The following MOCOS variants were observed in gnomAD, a reference collection of about 807,000 sequenced individuals.
The protein encoded by MOCOS is molybdenum cofactor sulfurase, also known as human molybdenum cofactor sulfurase.
In MOCOS, 86 loss-of-function variants were observed where a neutral mutation model predicts 83.6. The ratio of observed to expected loss-of-function variants is 1.03; its 90% confidence interval spans 0.86 to 1.23. MOCOS has a LOEUF of 1.23. MOCOS is among the 50% of genes most tolerant of loss of function. MOCOS has a pLI of 0.00. For synonymous variants in MOCOS, 445 were observed against 434.7 expected (o/e 1.02, Z -0.29); for missense variants, 1,120 against 1,126.9 (o/e 0.99, Z 0.09).
chr18:36,224,339 G>A (rs996892854), intron 9 of MOCOS, among the ~76,000 whole-genome samples: 1 of 152,084 alleles, frequency 6.6e-6, no homozygotes, highest in African/African-American at 2.4e-5. Flanking sequence ...AATAGTGGAG[G>A]CAAGAATGGG....
chr18:36,251,024 G>C, intron 10 of MOCOS, 135 bp from the exon 11 acceptor site: 1 of 1,095,030 alleles, frequency 9.1e-7, no homozygotes, highest in Non-Finnish European at 1.3e-6. Context: ...TGCAGCATCT[G>C]TCACTTCAGG....
intron 9 of MOCOS, among the ~76,000 whole-genome samples, chr18:36,241,680 C>T (rs996410159): frequency 6.6e-6 from 1 of 152,238 alleles, no homozygotes; most frequent in African/African-American, 2.4e-5. Context: ...GCTGCTCTAG[C>T]AGAGGTTCTG....
At chr18:36,238,047 G>A (rs1365497138) in intron 9 of MOCOS, among the ~76,000 whole-genome samples, 1 of 151,372 alleles carries the variant, frequency 6.6e-6, no homozygotes, top group Non-Finnish European at 1.5e-5. Flanking sequence ...AGTCTTGCTA[G>A]TGGTCTATCA....
chr18:36,256,870 A>G, intron 11 of MOCOS, 98 bp from the exon 12 acceptor site: 1 of 1,074,580 alleles, frequency 9.3e-7, no homozygotes, highest in Non-Finnish European at 1.4e-6. Flanking sequence ...CCTTGTAGAA[A>G]TAGTCTCTAC....
rs115527233 is a variant in MOCOS at position 36,210,294 on chromosome 18, G to T, written c.1219-3072G>T. Among the ~76,000 whole-genome samples, 329 of 152,140 alleles carry T rather than the reference G, an allele frequency of 2.2e-3. 2 individuals are homozygous for T. The highest frequency in any genetic ancestry group is 7.6e-3 in the African/African-American group (315 of 41,500). On this transcript the variant is annotated intron_variant, in intron 6 of 14. Coordinates refer to ENST00000261326, the MANE Select transcript of MOCOS (RefSeq NM_017947.4). ...ATACTATTGGGCAATATTCTTCTGGGGGAGATGTCGGTCCTCACTGGTGTT... is the reference window on the plus strand; with the variant it reads ...ATACTATTGGGCAATATTCTTCTGGTGGAGATGTCGGTCCTCACTGGTGTT...
At chr18:36,265,599 T>G (rs187938662) in intron 13 of MOCOS, among the ~76,000 whole-genome samples, 5 of 152,350 alleles carry the variant, frequency 3.3e-5, no homozygotes, top group South Asian at 4.1e-4. Flanking sequence ...ATCTCGTTAT[T>G]GCTGAGCTGC....
At chr18:36,250,892 T>C (rs2091619324) in intron 10 of MOCOS, among the ~76,000 whole-genome samples, 1 of 152,152 alleles carries the variant, frequency 6.6e-6, no homozygotes, top group South Asian at 2.1e-4. Context: ...AGCTTTGTGG[T>C]TCTCTGTGTC....
At chr18:36,187,808 G>A (rs898508833) in intron 1 of MOCOS, 127 bp downstream of exon 1, 16 of 1,053,268 alleles carry the variant, frequency 1.5e-5, no homozygotes, top group African/African-American at 9.9e-5. Context: ...CAGGAGGGAC[G>A]TGTCCACGCG....
Position 36,199,694 on chromosome 18 carries a change from A to G in MOCOS, c.311A>G (p.His104Arg), listed in dbSNP as rs1764716894. 1.9e-6 allele frequency: 3 copies of G among 1,613,640 alleles called. No homozygotes were observed. Among genetic ancestry groups the G allele is most frequent in the African/African-American group, 1.3e-5 (1 of 74,904 alleles). ...VEQVRYRILA[H>R]FHTTAEDYTV... is the part of the protein sequence containing the mutation. ...TGTGCTTCTTCCAGAATCCTGGCGC[A>G]CTTCCACACCACCGCAGAAGACTAC... The change falls in exon 4 of 15, where the codon CAC becomes CGC. Residue 104 changes from histidine to arginine, a missense_variant. Physicochemically the swap from His to Arg is conservative, Grantham distance 29. Coordinates refer to ENST00000261326, the MANE Select transcript of MOCOS (RefSeq NM_017947.4).
chr18:36,235,429 A>G lies in MOCOS; in HGVS notation c.1961-13493A>G, dbSNP rs1336444622. Reference sequence around the variant, plus strand: ...AGTTTACTGAGAATGATGATTTCCAATTTCATCCATGTCCCTACAAAGGAC... The same window carrying G: ...AGTTTACTGAGAATGATGATTTCCAGTTTCATCCATGTCCCTACAAAGGAC... On this transcript the variant is annotated intron_variant, in intron 9 of 14. Coordinates refer to ENST00000261326, the MANE Select transcript of MOCOS (RefSeq NM_017947.4). Among the ~76,000 whole-genome samples the G allele has an allele frequency of 3.7e-3, 459 of 125,614 alleles. 2 individuals are homozygous for G. Among genetic ancestry groups the G allele is most frequent in the African/African-American group, 0.014 (438 of 32,250 alleles). 82.4% of individuals were successfully genotyped at this position (125,614 alleles called of 152,430 possible). A position where few individuals can be genotyped will look rare whatever the true frequency, so the allele number is the denominator to read the frequency against.
At chr18:36,210,573 G>T (rs1323606781) in intron 6 of MOCOS, among the ~76,000 whole-genome samples, 1 of 152,078 alleles carries the variant, frequency 6.6e-6, no homozygotes, top group Non-Finnish European at 1.5e-5. Context: ...AAATGTGCCT[G>T]GGTGCGGTGG....
chr18:36,247,249 C>T (rs1278392157), intron 9 of MOCOS, among the ~76,000 whole-genome samples: 2 of 152,222 alleles, frequency 1.3e-5, no homozygotes, highest in Non-Finnish European at 1.5e-5. Flanking sequence ...ATCTGGTAAG[C>T]AGGGCTGAGA....
intron 13 of MOCOS, among the ~76,000 whole-genome samples, chr18:36,265,853 T>C (rs1025374599): frequency 6.6e-6 from 1 of 152,174 alleles, no homozygotes; most frequent in Admixed American, 6.5e-5. Context: ...TTTTATAGAT[T>C]CCTTTTAATA....
chr18:36,240,787 C>T (rs4508484), intron 9 of MOCOS, among the ~76,000 whole-genome samples: 54,107 of 151,942 alleles, frequency 0.36, 10,328 homozygotes, highest in Admixed American at 0.47. Flanking sequence ...ATCAGCGAGA[C>T]TCCATGGGGT....
chr18:36,199,839 C>T lies in MOCOS; in HGVS notation c.456C>T (p.His152=), dbSNP rs374709636. The T allele has an allele frequency of 4.6e-5, 74 of 1,614,180 alleles. No individual in the cohort carries two copies. In the African/African-American group the frequency reaches 9.2e-4, roughly 20 times the overall value. The part of the protein sequence containing the change: ...GSRFCYLTDS[H]TSVVGMRNVT... ...GCTTCTGTTACCTCACCGACAGCCA[C>T]ACCTCCGTAGTGGGTATGCGGAACG... The change falls in exon 4 of 15, where the codon CAC becomes CAT. Residue 152 remains histidine (H), a synonymous_variant. Coordinates refer to ENST00000261326, the MANE Select transcript of MOCOS (RefSeq NM_017947.4).
chr18:36,212,692 C>A (rs529243041), intron 6 of MOCOS, among the ~76,000 whole-genome samples: 46 of 152,294 alleles, frequency 3.0e-4, no homozygotes, highest in African/African-American at 1.1e-3. Flanking sequence ...AGCCAAGATC[C>A]CTGGCTGACC....
intron 13 of MOCOS, among the ~76,000 whole-genome samples, chr18:36,265,944 A>G (rs1193230664): frequency 6.6e-6 from 1 of 152,200 alleles, no homozygotes; most frequent in African/African-American, 2.4e-5. Flanking sequence ...TCTCTCCACT[A>G]TATGACGTTA....
chr18:36,249,104 C>A, intron 10 of MOCOS, 104 bp downstream of exon 10: 3 of 988,046 alleles, frequency 3.0e-6, no homozygotes, highest in East Asian at 2.6e-5. Context: ...ACCCTTCAGT[C>A]CAGTTGCTGT....
chr18:36,225,950 C>A (rs1022954861), intron 9 of MOCOS, among the ~76,000 whole-genome samples: 7 of 124,110 alleles, frequency 5.6e-5, no homozygotes, highest in South Asian at 2.6e-4. Context: ...TTTTTTAAGT[C>A]TTGTTTTAAG....
Sources: allele counts gnomAD v4.1 joint callset (sites outside exome capture counted in the v4.1 genomes callset), GRCh38; gene constraint gnomAD v4.1.1; transcripts MANE v1.5; gene names NCBI Gene and HGNC (gene_info 2026-07-23, HGNC 2026-07-21).